The following HMCN1 variants were observed in gnomAD, a reference collection of about 807,000 sequenced individuals.
HMCN1 encodes the protein hemicentin 1.
Under a neutral mutation model 625.9 loss-of-function variants are expected in HMCN1, and 321 were observed. The observed-to-expected ratio is 0.51, with a 90% CI of 0.47 to 0.56. The LOEUF (loss-of-function observed/expected upper bound fraction) is 0.56, where lower values mean the gene tolerates loss of function less well. Among genes scored for constraint, HMCN1 ranks in the 20% least tolerant of loss-of-function variants. HMCN1 has a pLI of 0.00. For synonymous variants in HMCN1, 2,425 were observed against 2,417.6 expected (o/e 1.00, Z -0.09); for missense variants, 6,588 against 6,887.3 (o/e 0.96, Z 1.54).
At chr1:186,070,202 T>G (rs1206032446) in intron 51 of HMCN1, among the ~76,000 whole-genome samples, 2 of 152,214 alleles carry the variant, frequency 1.3e-5, no homozygotes, top group Non-Finnish European at 2.9e-5. Context: ...ACACTGCCAT[T>G]AATGGGACTC....
intron 17 of HMCN1, among the ~76,000 whole-genome samples, chr1:185,981,463 C>T (rs1651630522): frequency 6.6e-6 from 1 of 151,958 alleles, no homozygotes; most frequent in Non-Finnish European, 1.5e-5. Context: ...CCAAGTAAGA[C>T]ATTTGATGCA....
intron 1 of HMCN1, among the ~76,000 whole-genome samples, chr1:185,740,970 G>A (rs1653954797): frequency 6.6e-6 from 1 of 152,028 alleles, no homozygotes. Context: ...CTCAAGCCTG[G>A]GCAATAGAGG....
At chr1:186,145,363 T>A in intron 91 of HMCN1, 40 bp from the exon 92 acceptor site, 1 of 1,515,994 alleles carries the variant, frequency 6.6e-7, no homozygotes, top group Non-Finnish European at 8.8e-7. Flanking sequence ...CTTCTCATTT[T>A]AGGGGCTCTG....
intron 1 of HMCN1, among the ~76,000 whole-genome samples, chr1:185,789,883 CT>C (rs756883714): frequency 7.2e-5 from 11 of 152,278 alleles, no homozygotes; most frequent in East Asian, 1.9e-4. Flanking sequence ...TTTTTTCCCC[CT>C]ATCTCTGGGC....
At chr1:186,122,003 G>A (rs1393462024) in intron 80 of HMCN1, among the ~76,000 whole-genome samples, 1 of 152,196 alleles carries the variant, frequency 6.6e-6, no homozygotes, top group Non-Finnish European at 1.5e-5. Context: ...GTATTCATTG[G>A]TTTCAGCAAC....
At chr1:186,012,074 T>C (rs1002490704) in intron 30 of HMCN1, among the ~76,000 whole-genome samples, 2 of 152,158 alleles carry the variant, frequency 1.3e-5, no homozygotes, top group African/African-American at 4.8e-5. Flanking sequence ...TGTTTAACTA[T>C]ATGAGAGCAA....
chr1:185,895,139 G>A (rs1439621306), intron 4 of HMCN1, among the ~76,000 whole-genome samples: 2 of 152,056 alleles, frequency 1.3e-5, no homozygotes, highest in Admixed American at 6.5e-5. Context: ...TACTAGCATT[G>A]TTTACTGGAA....
chr1:185,820,624 A>T (rs1388820199), intron 1 of HMCN1, among the ~76,000 whole-genome samples: 8 of 152,180 alleles, frequency 5.3e-5, no homozygotes, highest in African/African-American at 1.9e-4. Flanking sequence ...ATTTTTAAAC[A>T]GTCTAAAATA....
At chr1:186,053,327 A>G (rs907019661) in intron 43 of HMCN1, among the ~76,000 whole-genome samples, 1 of 151,964 alleles carries the variant, frequency 6.6e-6, no homozygotes, top group South Asian at 2.1e-4. Context: ...ATTATTTTTT[A>G]CTCAAATACA....
chr1:186,005,335 T>TAATTGTTTA (rs1653520587), intron 29 of HMCN1, among the ~76,000 whole-genome samples: 4 of 145,528 alleles, frequency 2.7e-5, no homozygotes, highest in Admixed American at 2.0e-4. Context: ...AACAATTTTT[T>TAATTGTTTA]AATTGTTTAT....
At chr1:186,139,537 T>C (rs1649820012) in intron 89 of HMCN1, among the ~76,000 whole-genome samples, 1 of 152,120 alleles carries the variant, frequency 6.6e-6, no homozygotes. Flanking sequence ...TGAGTAACTA[T>C]TCGCCTACTA....
chr1:186,130,842 A>G, intron 85 of HMCN1, 145 bp downstream of exon 85: 1 of 817,858 alleles, frequency 1.2e-6, no homozygotes, highest in Non-Finnish European at 2.0e-6. Context: ...AAAAACTGAA[A>G]CAAGGATTGA....
intron 34 of HMCN1, 73 bp downstream of exon 34, chr1:186,018,425 T>G (rs2102146778): frequency 1.5e-6 from 2 of 1,351,326 alleles, no homozygotes; most frequent in East Asian, 4.6e-5. Flanking sequence ...TAACTCAGAT[T>G]GTAGCTCAAT....
intron 15 of HMCN1, among the ~76,000 whole-genome samples, chr1:185,972,970 T>A (rs1650933698): frequency 6.6e-6 from 1 of 152,174 alleles, no homozygotes; most frequent in Non-Finnish European, 1.5e-5. Context: ...ACAGTTGCAG[T>A]GATAATTATA....
chr1:186,046,741 A>G (rs1232092529), intron 41 of HMCN1, among the ~76,000 whole-genome samples: 1 of 152,138 alleles, frequency 6.6e-6, no homozygotes. Context: ...GTTTGGCTGG[A>G]ACAGATAATT....
intron 52 of HMCN1, among the ~76,000 whole-genome samples, chr1:186,071,977 C>A (rs1658506558): frequency 1.3e-5 from 2 of 152,038 alleles, no homozygotes; most frequent in Non-Finnish European, 2.9e-5. Flanking sequence ...ACTAAAAGTG[C>A]ACAGGAAATG....
In HMCN1 at chr1:185,741,895, G is replaced by A. The variant is rs116632678; in HGVS notation, c.268+6848G>A. On this transcript the variant is annotated intron_variant, in intron 1 of 106. Coordinates refer to ENST00000271588, the MANE Select transcript of HMCN1 (RefSeq NM_031935.3). ...ATTGCCGTGTCCAACTACTGGAACA[G>A]TTGCTTTGTTCATGAGGCTAAAACT... Among the ~76,000 whole-genome samples, 870 of 152,308 alleles carry A rather than the reference G, an allele frequency of 5.7e-3. 3 individuals carry two copies. Among genetic ancestry groups the A allele is most frequent in the African/African-American group, 0.02 (835 of 41,558 alleles).
At chr1:186,080,659 GA>G (rs1170543657) in intron 55 of HMCN1, among the ~76,000 whole-genome samples, 1 of 152,182 alleles carries the variant, frequency 6.6e-6, no homozygotes, top group Non-Finnish European at 1.5e-5. Context: ...TGGGGCCCAA[GA>G]ATTTGCATTT....
intron 8 of HMCN1, 77 bp from the exon 9 acceptor site, chr1:185,924,970 G>A (rs1667201314): frequency 8.2e-7 from 1 of 1,217,722 alleles, no homozygotes; most frequent in Non-Finnish European, 1.2e-6. Context: ...ATTTTGAATG[G>A]ATTAAGAGGC....
Sources: allele counts gnomAD v4.1 joint callset (sites outside exome capture counted in the v4.1 genomes callset), GRCh38; gene constraint gnomAD v4.1.1; transcripts MANE v1.5; gene names NCBI Gene and HGNC (gene_info 2026-07-23, HGNC 2026-07-21).